Variants in OXR1 observed in about 807,000 individuals in gnomAD.
OXR1 encodes oxidation resistance 1, also known as oxidation resistance protein 1.
OXR1 carries 41 observed loss-of-function variants against 104.6 expected under a neutral mutation model. The ratio of observed to expected loss-of-function variants is 0.39; its 90% CI spans 0.31 to 0.51. The LOEUF (loss-of-function observed/expected upper bound fraction) is 0.51, where lower values mean the gene tolerates loss of function less well. OXR1 is among the 20% of genes least tolerant of loss of function. The pLI, the probability that OXR1 is intolerant of heterozygous loss-of-function variation, is 0.77. For missense variants in OXR1, 955 were observed against 1,031.9 expected, an observed-to-expected ratio of 0.93 and a Z score of 1.02; for synonymous variants, 348 against 348.4, an observed-to-expected ratio of 1.00 and a Z score of 0.01.
chr8:106,359,564 C>T lies in OXR1; in HGVS notation c.-50C>T. On this transcript the variant is annotated 5_prime_UTR_variant, in exon 2 of 17. Coordinates refer to ENST00000517566, the MANE Select transcript of OXR1 (RefSeq NM_001198533.2). ...TTAGCGGTGTTGTCGACTTGACCTG[C>T]TAATTTCCTGTTCTGGAATCGAGAG... 2 of 1,491,686 alleles carry T rather than the reference C, an allele frequency of 1.3e-6. No homozygotes were observed. Among genetic ancestry groups the T allele is most frequent in the Non-Finnish European group, 1.8e-6 (2 of 1,092,188 alleles). 92.4% of individuals were successfully genotyped at this position (1,491,686 alleles called of 1,614,324 possible).
intron 2 of OXR1, among the ~76,000 whole-genome samples, chr8:106,491,438 A>G (rs1358918692): frequency 1.3e-5 from 2 of 152,180 alleles, no homozygotes; most frequent in Non-Finnish European, 2.9e-5. Flanking sequence ...AGTAACCTTT[A>G]TTTTCACATT....
chr8:106,336,142 T>C (rs1214822142), intron 1 of OXR1, among the ~76,000 whole-genome samples: 10 of 152,158 alleles, frequency 6.6e-5, no homozygotes, highest in Non-Finnish European at 1.5e-4. Flanking sequence ...AATGTTAATC[T>C]CATTTTCCTG....
intron 3 of OXR1, among the ~76,000 whole-genome samples, chr8:106,636,264 T>A (rs1823123676): frequency 6.6e-6 from 1 of 152,230 alleles, no homozygotes; most frequent in Non-Finnish European, 1.5e-5. Context: ...AAAGCATTCC[T>A]TTTAACATCA....
rs1164596413 is a variant in OXR1 at position 106,303,248 on chromosome 8, C to CTTT, written c.-139+32902_-139+32904dup. Among the ~76,000 whole-genome samples, 193 of 92,346 alleles carry CTTT rather than the reference C, an allele frequency of 2.1e-3. 2 individuals are homozygous for CTTT. The highest frequency in any genetic ancestry group is 4.1e-3 in the South Asian group (11 of 2,682). 60.6% of individuals were successfully genotyped at this position (92,346 alleles called of 152,430 possible). A position where few individuals can be genotyped will look rare whatever the true frequency, so the allele number is the denominator to read the frequency against. On this transcript the variant is annotated intron_variant, in intron 1 of 16. Coordinates refer to ENST00000517566, the MANE Select transcript of OXR1 (RefSeq NM_001198533.2). ...GGAACTTGGCAATTTTTTTTTCTTT[C>CTTT]TTTTTTTTTTTTTTTTTTTTTTTGA...
chr8:106,463,635 C>G (rs1429464091), intron 2 of OXR1, among the ~76,000 whole-genome samples: 2 of 152,032 alleles, frequency 1.3e-5, no homozygotes, highest in Non-Finnish European at 2.9e-5. Context: ...GGGAGCACAG[C>G]GAGGCTGTAT....
intron 2 of OXR1, among the ~76,000 whole-genome samples, chr8:106,412,529 A>T (rs1031195610): frequency 9.2e-5 from 14 of 152,220 alleles, no homozygotes; most frequent in African/African-American, 2.9e-4. Flanking sequence ...AAGTATTCTT[A>T]TCAATTTTCA....
intron 3 of OXR1, among the ~76,000 whole-genome samples, chr8:106,611,607 G>C (rs1458190617): frequency 6.6e-6 from 1 of 152,206 alleles, no homozygotes; most frequent in Non-Finnish European, 1.5e-5. Flanking sequence ...GTAGAAGTAA[G>C]TAGATCAAAG....
chr8:106,323,789 G>A (rs1366069061), intron 1 of OXR1, among the ~76,000 whole-genome samples: 1 of 152,142 alleles, frequency 6.6e-6, no homozygotes, highest in Non-Finnish European at 1.5e-5. Context: ...TTAGAGAAAT[G>A]CAAATCAAAA....
intron 2 of OXR1, among the ~76,000 whole-genome samples, chr8:106,426,867 T>C (rs1481240879): frequency 1.3e-5 from 2 of 152,206 alleles, no homozygotes; most frequent in Non-Finnish European, 1.5e-5. Flanking sequence ...CTTAGAAGTA[T>C]ATAAGTGAAC....
intron 3 of OXR1, among the ~76,000 whole-genome samples, chr8:106,583,098 A>G (rs1818373925): frequency 1.3e-5 from 2 of 152,186 alleles, no homozygotes; most frequent in South Asian, 2.1e-4. Context: ...GTCTAAATAT[A>G]TAACTTTCAT....
intron 3 of OXR1, among the ~76,000 whole-genome samples, chr8:106,575,928 T>C (rs565514307): frequency 6.8e-6 from 1 of 147,478 alleles, no homozygotes; most frequent in Admixed American, 6.8e-5. Context: ...GCAGACACAT[T>C]AACAACAAAT....
intron 12 of OXR1, 36 bp downstream of exon 12, chr8:106,737,636 T>A: frequency 1.3e-6 from 1 of 793,926 alleles, no homozygotes; most frequent in Non-Finnish European, 1.8e-6. Context: ...CTCCAGAGAC[T>A]AAATACTCCC....
At chr8:106,357,051 A>T (rs185377788) in intron 1 of OXR1, among the ~76,000 whole-genome samples, 2 of 152,194 alleles carry the variant, frequency 1.3e-5, no homozygotes, top group African/African-American at 4.8e-5. Context: ...CTCAATGCAA[A>T]CTTGGCAAAA....
At chr8:106,709,148 C>T (rs991354129) in intron 9 of OXR1, among the ~76,000 whole-genome samples, 2 of 152,030 alleles carry the variant, frequency 1.3e-5, no homozygotes, top group African/African-American at 4.8e-5. Flanking sequence ...TTCTGGAATT[C>T]ATCACCCAGA....
chr8:106,686,103 A>G (rs1266661016), intron 6 of OXR1, among the ~76,000 whole-genome samples: 1 of 152,118 alleles, frequency 6.6e-6, no homozygotes, highest in Non-Finnish European at 1.5e-5. Context: ...AGAATGATAT[A>G]GTGGACTTTG....
At chr8:106,664,722 C>T (rs541647180) in intron 3 of OXR1, among the ~76,000 whole-genome samples, 1 of 152,264 alleles carries the variant, frequency 6.6e-6, no homozygotes, top group African/African-American at 2.4e-5. Flanking sequence ...AAGAACTTAA[C>T]ATTTATTATA....
At chr8:106,578,044 A>G (rs1223240067) in intron 3 of OXR1, among the ~76,000 whole-genome samples, 2 of 152,164 alleles carry the variant, frequency 1.3e-5, no homozygotes, top group African/African-American at 4.8e-5. Flanking sequence ...GTGGCTTCAC[A>G]GGGCTAGGGG....
intron 10 of OXR1, among the ~76,000 whole-genome samples, chr8:106,711,367 T>C (rs113081107): frequency 2.0e-5 from 3 of 152,260 alleles, no homozygotes; most frequent in African/African-American, 7.2e-5. Flanking sequence ...CCCTGTACTA[T>C]TATTCACTTA....
At chr8:106,302,774 CAG>C (rs1272641057) in intron 1 of OXR1, among the ~76,000 whole-genome samples, 1 of 151,866 alleles carries the variant, frequency 6.6e-6, no homozygotes, top group Non-Finnish European at 1.5e-5. Flanking sequence ...TTTTTTGAGA[CAG>C]AGTCTCGCTC....
Sources: allele counts gnomAD v4.1 joint callset (sites outside exome capture counted in the v4.1 genomes callset), GRCh38; gene constraint gnomAD v4.1.1; transcripts MANE v1.5; gene names NCBI Gene and HGNC (gene_info 2026-07-23, HGNC 2026-07-21).